Variants in RBFOX1 observed in about 807,000 individuals in gnomAD.
RBFOX1 encodes RNA binding fox-1 homolog 1, also known as RNA binding protein fox-1 homolog 1.
Under a neutral mutation model 57.7 loss-of-function variants are expected in RBFOX1, and 8 were observed. The ratio of observed to expected loss-of-function variants is 0.14; its 90% CI spans 0.08 to 0.25. The LOEUF (loss-of-function observed/expected upper bound fraction) is 0.25. RBFOX1 is among the 10% of genes least tolerant of loss of function. The pLI, the probability that RBFOX1 is intolerant of heterozygous loss-of-function variation, is 1.00. For missense variants in RBFOX1, 611 were observed against 548.5 expected, an observed-to-expected ratio of 1.11 and a Z score of -1.14; for synonymous variants, 326 against 222.4, an observed-to-expected ratio of 1.47 and a Z score of -4.15.
chr16:6,974,156 T>C (rs1480993747), intron 3 of RBFOX1, among the ~76,000 whole-genome samples: 1 of 152,068 alleles, frequency 6.6e-6, no homozygotes, highest in Non-Finnish European at 1.5e-5. Flanking sequence ...ATGTACCACA[T>C]TTTTTTATTA....
At chr16:6,967,186 T>C (rs2084449016) in intron 3 of RBFOX1, among the ~76,000 whole-genome samples, 1 of 152,032 alleles carries the variant, frequency 6.6e-6, no homozygotes, top group Non-Finnish European at 1.5e-5. Flanking sequence ...CACATCCATT[T>C]TCTATCTATA....
intron 2 of RBFOX1, among the ~76,000 whole-genome samples, chr16:6,629,394 G>C (rs762747730): frequency 6.6e-6 from 1 of 152,210 alleles, no homozygotes; most frequent in Admixed American, 6.5e-5. Context: ...GGCCCTGAGA[G>C]TACCAACAGC....
At chr16:6,465,345 C>A (rs902396125) in intron 2 of RBFOX1, among the ~76,000 whole-genome samples, 5 of 152,186 alleles carry the variant, frequency 3.3e-5, no homozygotes, top group African/African-American at 1.2e-4. Flanking sequence ...ATAGTACATA[C>A]TCTTTATTTT....
At chr16:6,769,550 T>C (rs73528865) in intron 3 of RBFOX1, among the ~76,000 whole-genome samples, 21,797 of 152,238 alleles carry the variant, frequency 0.14, 1,847 homozygotes, top group Admixed American at 0.24. Context: ...GGCTGTTTCC[T>C]GTTTTTGCCT....
In RBFOX1 at chr16:6,908,307, G is replaced by A. The variant is rs937790061; in HGVS notation, c.-15-143750G>A. On this transcript the variant is annotated intron_variant, in intron 3 of 15. Coordinates refer to ENST00000550418, the MANE Select transcript of RBFOX1 (RefSeq NM_018723.4). ...GGGCAGGCCTGCACCCCCAGCCTCT[G>A]ACCATGGCTTGGGCCTGTCTTGTTC... is the stretch of plus-strand genomic sequence containing the variant. 1.3e-5 allele frequency among the ~76,000 whole-genome samples: 2 copies of A among 151,642 alleles called. 1 individual carries two copies. The highest frequency in any genetic ancestry group is 3.0e-5 in the Non-Finnish European group (2 of 67,742).
chr16:7,015,223 A>G (rs143045609), intron 3 of RBFOX1, among the ~76,000 whole-genome samples: 164 of 152,258 alleles, frequency 1.1e-3, no homozygotes, highest in African/African-American at 3.8e-3. Flanking sequence ...TTGTGAAGGC[A>G]TTAGTATCAT....
At chr16:6,617,781 G>T (rs537339989) in intron 2 of RBFOX1, among the ~76,000 whole-genome samples, 2 of 152,146 alleles carry the variant, frequency 1.3e-5, no homozygotes, top group African/African-American at 4.8e-5. Flanking sequence ...AGTAGACAGT[G>T]GGGGATAAAG....
intron 2 of RBFOX1, chr16:6,573,828 A>T (rs1386177070): frequency 6.6e-6 from 1 of 152,116 alleles, no homozygotes; most frequent in Non-Finnish European, 1.5e-5. Flanking sequence ...GGAGGCAGTG[A>T]CACCCGCTGG....
At chr16:7,116,275 C>A (rs555082747) in intron 4 of RBFOX1, among the ~76,000 whole-genome samples, 1 of 152,082 alleles carries the variant, frequency 6.6e-6, no homozygotes, top group African/African-American at 2.4e-5. Flanking sequence ...CCTGGCTATC[C>A]GAGCTGCTCT....
chr16:5,838,692 T>G (rs1490733516), intron 3 of RBFOX1: 2 of 152,326 alleles, frequency 1.3e-5, no homozygotes, highest in Non-Finnish European at 2.9e-5. Context: ...TTTTCTTATC[T>G]GCAAAGTGGG....
At chr16:5,881,398 G>C (rs1027560246) in intron 4 of RBFOX1, among the ~76,000 whole-genome samples, 2 of 152,188 alleles carry the variant, frequency 1.3e-5, no homozygotes, top group African/African-American at 4.8e-5. Context: ...AGTATTAGGG[G>C]TCTGGGTGTG....
intron 14 of RBFOX1, among the ~76,000 whole-genome samples, chr16:7,686,389 C>CT (rs1474882094): frequency 1.3e-5 from 2 of 152,000 alleles, no homozygotes; most frequent in African/African-American, 4.8e-5. Context: ...TATTTGTTAT[C>CT]TTTTCTGCTC....
chr16:6,944,437 C>G (rs900666254), intron 3 of RBFOX1, among the ~76,000 whole-genome samples: 24 of 151,574 alleles, frequency 1.6e-4, no homozygotes, highest in Admixed American at 3.9e-4. Context: ...AAAAAGAAGA[C>G]CACACCCTTG....
At chr16:6,640,174 A>C (rs2098475564) in intron 2 of RBFOX1, among the ~76,000 whole-genome samples, 1 of 152,190 alleles carries the variant, frequency 6.6e-6, no homozygotes. Flanking sequence ...ATTCAAATGC[A>C]GCTTATTGAA....
upstream of RBFOX1, among the ~76,000 whole-genome samples, chr16:6,015,127 GATTACAGGTATGAGCA>G (rs919745575): frequency 3.3e-5 from 5 of 152,130 alleles, no homozygotes; most frequent in African/African-American, 1.2e-4. Context: ...AGACTGATGG[GATTACAGGTATGAGCA>G]AGAGCCACCA....
At chr16:6,983,098 T>A (rs1034179341) in intron 3 of RBFOX1, among the ~76,000 whole-genome samples, 2 of 150,410 alleles carry the variant, frequency 1.3e-5, no homozygotes, top group African/African-American at 2.4e-5. Flanking sequence ...TGCTGAGACA[T>A]GAGTTACAGT....
intron 3 of RBFOX1, among the ~76,000 whole-genome samples, chr16:6,889,094 C>G (rs117921696): frequency 2.6e-5 from 4 of 152,114 alleles, no homozygotes; most frequent in Non-Finnish European, 2.9e-5. Flanking sequence ...AGAGGGATAT[C>G]ACAGTGGACA....
At chr16:5,275,265 T>A (rs2063113285) in intron 1 of RBFOX1, among the ~76,000 whole-genome samples, 1 of 152,220 alleles carries the variant, frequency 6.6e-6, no homozygotes, top group African/African-American at 2.4e-5. Flanking sequence ...TTTGGGATAT[T>A]GATCACCTCA....
Position 5,567,658 on chromosome 16 carries a change from A to AT in RBFOX1, c.259-31244_259-31243insT, listed in dbSNP as rs2046121199. Among the ~76,000 whole-genome samples the AT allele has an allele frequency of 2.0e-5, 3 of 149,474 alleles. No homozygotes were observed. The South Asian group carries it at 6.4e-4, about 32-fold the overall frequency. ...GGCAAAAAAAAAAAAAAAAAAAAAAAGCCTCCTAGATGGAAGGGCTGTGTC... is the reference window on the plus strand; with the variant it reads ...GGCAAAAAAAAAAAAAAAAAAAAAAATGCCTCCTAGATGGAAGGGCTGTGTC... On this transcript the variant is annotated intron_variant, in intron 2 of 2. Coordinates refer to the RBFOX1 transcript ENST00000585867.
Sources: gnomAD v4.1 joint callset for allele counts (sites outside exome capture counted in the v4.1 genomes callset) on GRCh38, gnomAD v4.1.1 for gene constraint, MANE v1.5 for transcripts, NCBI Gene and HGNC (gene_info 2026-07-23, HGNC 2026-07-21) for gene names.